SLC17A5: variants seen among roughly 807,000 people sequenced by gnomAD.
SLC17A5 encodes the protein sialin.
In SLC17A5, 47 loss-of-function variants were observed where a neutral mutation model predicts 59.4. The ratio of observed to expected loss-of-function variants is 0.79; its 90% CI spans 0.63 to 1.01. The LOEUF (loss-of-function observed/expected upper bound fraction) is 1.01, where lower values mean the gene tolerates loss of function less well. SLC17A5 is among the 50% of genes least tolerant of loss of function. The pLI is 0.00. For missense variants in SLC17A5, 522 were observed against 595.5 expected, an observed-to-expected ratio of 0.88 and a Z score of 1.28; for synonymous variants, 202 against 210.7, an observed-to-expected ratio of 0.96 and a Z score of 0.36.
Position 73,653,208 on chromosome 6 carries a change from T to A in SLC17A5, c.94+585A>T, listed in dbSNP as rs116414522. On this transcript the variant is annotated intron_variant, in intron 1 of 10. Transcript: ENST00000355773. ...GGTTATACAATAGTTGCCCTCTGCA[T>A]ACTCACAAATGTTAACTCCAGTCCT... The A allele has an allele frequency of 1.1e-4, 109 of 985,452 alleles. No homozygotes were observed. The African/African-American group carries it at 1.7e-3, about 15-fold the overall frequency. 61.0% of individuals were successfully genotyped at this position (985,452 alleles called of 1,614,324 possible). A position where few individuals can be genotyped will look rare whatever the true frequency, so the allele number is the denominator to read the frequency against.
intron 2 of SLC17A5, 149 bp from the exon 3 acceptor site, chr6:73,642,073 T>A: frequency 1.4e-6 from 1 of 702,872 alleles, no homozygotes. Context: ...GGTGGGTGAG[T>A]CATAACAATA....
intron 8 of SLC17A5, among the ~76,000 whole-genome samples, chr6:73,611,218 G>A (rs1161194556): frequency 6.6e-6 from 1 of 152,186 alleles, no homozygotes; most frequent in Non-Finnish European, 1.5e-5. Context: ...CTGCACTCCA[G>A]CCTGGGTTGT....
intron 9 of SLC17A5, among the ~76,000 whole-genome samples, chr6:73,601,373 G>T (rs1767077233): frequency 6.8e-6 from 1 of 148,026 alleles, no homozygotes; most frequent in Non-Finnish European, 1.5e-5. Context: ...GAAGTGAGGA[G>T]CGTCTCCGCC....
In SLC17A5 at chr6:73,594,126, C is replaced by G. The variant is rs1766692169; in HGVS notation, c.*951G>C. 6.6e-6 allele frequency: 1 copy of G among 151,674 alleles called. No homozygotes were observed. The highest frequency in any genetic ancestry group is 2.4e-5 in the African/African-American group (1 of 41,272). 9.4% of individuals were successfully genotyped at this position (151,674 alleles called of 1,614,324 possible). On this transcript the variant is annotated 3_prime_UTR_variant, in exon 11 of 11. Coordinates refer to ENST00000355773, the MANE Select transcript of SLC17A5 (RefSeq NM_012434.5). ...TTCCACCTCCCAGGTTCAAGTGATT[C>G]TCCTACCTCAGCCTCCTGAGTATCT...
chr6:73,595,113 G>A lies in SLC17A5; in HGVS notation c.1452C>T (p.Asn484=), dbSNP rs1766732959. The part of the protein sequence containing the change: ...FTLFAKGEVQ[N]WALNDHHGHR... ...GTCCATGGTGATCATTGAGAGCCCA[G>A]TTTTGTACTTCACCTTTGGCGAATA... Residue 484 remains asparagine (N), a synonymous_variant, in exon 11 of 11, where the codon AAC becomes AAT. Transcript: ENST00000355773. The A allele has an allele frequency of 1.9e-6, 3 of 1,613,982 alleles. No individual in the cohort carries two copies. Among genetic ancestry groups the A allele is most frequent in the Admixed American group, 1.7e-5 (1 of 59,998 alleles).
At chr6:73,647,442 T>A (rs1769635579) in intron 1 of SLC17A5, among the ~76,000 whole-genome samples, 1 of 152,250 alleles carries the variant, frequency 6.6e-6, no homozygotes, top group Non-Finnish European at 1.5e-5. Flanking sequence ...ATGTTAGATG[T>A]GGGAGTAAGT....
intron 7 of SLC17A5, among the ~76,000 whole-genome samples, chr6:73,616,713 A>G (rs879626758): frequency 1.3e-5 from 2 of 151,692 alleles, no homozygotes; most frequent in African/African-American, 2.4e-5. Flanking sequence ...GGTTCCAGCA[A>G]TTCTCCTGCC....
At chr6:73,611,148 G>C (rs1767623173) in intron 8 of SLC17A5, among the ~76,000 whole-genome samples, 1 of 152,212 alleles carries the variant, frequency 6.6e-6, no homozygotes, top group East Asian at 1.9e-4. Flanking sequence ...TCAGGAGGCT[G>C]AGGTGGGAGG....
chr6:73,603,884 T>A (rs1767272213), intron 9 of SLC17A5, among the ~76,000 whole-genome samples: 2 of 151,836 alleles, frequency 1.3e-5, no homozygotes, highest in Admixed American at 1.3e-4. Context: ...TTCATTAGAT[T>A]TAGGTTTAAT....
chr6:73,637,628 G>A (rs906301716), intron 4 of SLC17A5, among the ~76,000 whole-genome samples: 7 of 152,058 alleles, frequency 4.6e-5, no homozygotes, highest in Non-Finnish European at 1.0e-4. Flanking sequence ...ATCCAAGGTA[G>A]TTTTCCACTT....
chr6:73,650,057 T>C (rs978293251), intron 1 of SLC17A5, among the ~76,000 whole-genome samples: 4 of 151,774 alleles, frequency 2.6e-5, no homozygotes, highest in African/African-American at 7.3e-5. Flanking sequence ...ATCGAGAGTA[T>C]TGGCAAGAAA....
intron 6 of SLC17A5, among the ~76,000 whole-genome samples, chr6:73,625,617 C>T (rs1157995207): frequency 6.6e-6 from 1 of 152,154 alleles, no homozygotes; most frequent in Non-Finnish European, 1.5e-5. Context: ...GGCCTGTGTT[C>T]TACTCTCTGC....
intron 1 of SLC17A5, among the ~76,000 whole-genome samples, chr6:73,649,084 A>C (rs1308166572): frequency 6.6e-6 from 1 of 151,024 alleles, no homozygotes; most frequent in Non-Finnish European, 1.5e-5. Context: ...TGCAACCTCC[A>C]TCTTCCAGGT....
chr6:73,644,775 TTAA>T (rs774338275), intron 1 of SLC17A5, among the ~76,000 whole-genome samples, 172 bp from the exon 2 acceptor site: 12 of 152,196 alleles, frequency 7.9e-5, no homozygotes, highest in Non-Finnish European at 1.3e-4. Context: ...CCCGGCTGCT[TTAA>T]TTAAAAAAGT....
chr6:73,604,144 TTTC>T (rs1369361517), intron 9 of SLC17A5, among the ~76,000 whole-genome samples: 1 of 152,228 alleles, frequency 6.6e-6, no homozygotes, highest in Admixed American at 6.5e-5. Context: ...CTTTTTTTTT[TTTC>T]TTTTTAAACC....
Position 73,610,413 on chromosome 6 carries a change from C to A in SLC17A5, c.1246G>T (p.Asp416Tyr), listed in dbSNP as rs144178397. The A allele has an allele frequency of 6.2e-7, 1 of 1,614,030 alleles. No individual in the cohort carries two copies. The highest frequency in any genetic ancestry group is 1.3e-5 in the African/African-American group (1 of 75,000). Residue 416 changes from aspartate to tyrosine, a missense_variant, in exon 9 of 11, where the codon GAT becomes TAT. Around this residue, in one of 3 missense-constraint regions of SLC17A5, gnomAD observed 153 missense variants for 168.5 expected, o/e 0.91. Coordinates refer to ENST00000355773, the MANE Select transcript of SLC17A5 (RefSeq NM_012434.5). ...CSSGFSINHL[D>Y]IAPSYAGILL... ...ATTAGTACTCACGAAGGAGCAATAT[C>A]CAGATGGTTGATGCTAAATCCAGAA...
At chr6:73,627,311 G>A (rs1347525331) in intron 6 of SLC17A5, among the ~76,000 whole-genome samples, 12 of 152,080 alleles carry the variant, frequency 7.9e-5, no homozygotes, top group East Asian at 5.8e-4. Flanking sequence ...TGTTGACCTC[G>A]TGATCTGCGT....
In SLC17A5 at chr6:73,635,742, C is replaced by CT. The variant is rs34409077; in HGVS notation, c.701-243dup. Among the ~76,000 whole-genome samples the CT allele has an allele frequency of 0.14, 20,016 of 142,288 alleles. 1,722 individuals are homozygous for CT. Among genetic ancestry groups the CT allele is most frequent in the Admixed American group, 0.25 (3,469 of 14,142 alleles). 93.3% of individuals were successfully genotyped at this position (142,288 alleles called of 152,430 possible). A position where few individuals can be genotyped will look rare whatever the true frequency, so the allele number is the denominator to read the frequency against. On this transcript the variant is annotated intron_variant, in intron 5 of 10. Transcript: ENST00000355773. ...TGCTTATACATTTTGAAGAAAACAACTTTTTTTTTTTTTTTTGAGATAGAG... is the reference window on the plus strand; with the variant it reads ...TGCTTATACATTTTGAAGAAAACAACTTTTTTTTTTTTTTTTTGAGATAGAG...
intron 1 of SLC17A5, 76 bp downstream of exon 1, chr6:73,653,717 G>A: frequency 7.2e-7 from 1 of 1,395,616 alleles, no homozygotes; most frequent in Non-Finnish European, 9.9e-7. Context: ...GCGGGTACCC[G>A]GGCCATGCCG....
Sources: gnomAD v4.1 joint callset for allele counts (sites outside exome capture counted in the v4.1 genomes callset) on GRCh38, gnomAD v4.1.1 for gene constraint, gnomAD v4.1.1 regional missense constraint, MANE v1.5 for transcripts, NCBI Gene and HGNC (gene_info 2026-07-23, HGNC 2026-07-21) for gene names.